Variants in HHIPL2 observed in about 807,000 individuals in gnomAD.
The protein encoded by HHIPL2 is HHIP like 2.
A neutral mutation model predicts 61.0 loss-of-function variants in HHIPL2; 61 were observed. The ratio of observed to expected loss-of-function variants is 1.00; its 90% CI spans 0.81 to 1.24. HHIPL2 has a LOEUF of 1.24. Among genes scored for constraint, HHIPL2 ranks in the 50% most tolerant of loss-of-function variants. The pLI, the probability that HHIPL2 is intolerant of heterozygous loss-of-function variation, is 0.00. For synonymous variants in HHIPL2, 343 were observed against 357.4 expected, an observed-to-expected ratio of 0.96 and a Z score of 0.45; for missense variants, 885 against 910.2, an observed-to-expected ratio of 0.97 and a Z score of 0.36.
Position 222,543,745 on chromosome 1 carries a change from G to A in HHIPL2, c.766C>T (p.Leu256=), listed in dbSNP as rs1433585594. ...PDGSRLEQPF[L]DLKNIVLTTP... ...GTCAACACGATGTTCTTGAGGTCCA[G>A]GAAGGGTTGCTCCAGGCGACTCCCA... The change falls in exon 2 of 9, where the codon CTG becomes TTG. Residue 256 remains leucine (L), a synonymous_variant. Transcript: ENST00000343410. The A allele has an allele frequency of 6.2e-7, 1 of 1,614,184 alleles. No homozygotes were observed. Among genetic ancestry groups the A allele is most frequent in the East Asian group, 2.2e-5 (1 of 44,878 alleles).
rs1659491366 is a variant in HHIPL2, at chr1:222,543,786, C to T, written c.725G>A (p.Trp242Ter). 1 of 1,613,944 alleles carries T rather than the reference C, an allele frequency of 6.2e-7. No individual in the cohort carries two copies. The highest frequency in any genetic ancestry group is 1.3e-5 in the African/African-American group (1 of 74,874). The stretch of plus-strand genomic sequence containing the variant: ...GCGACTCCCATCAGGGAGGTAGACC[C>T]ACACCACTCCTACCTGCTCGGCAAC... ...FFVAEQVGVV[W>*]VYLPDGSRLE... The change falls in exon 2 of 9, where the codon TGG becomes TAG. Residue 242 changes from tryptophan to a stop codon, truncating the protein, a stop_gained. Transcript: ENST00000343410. LOFTEE classifies it high-confidence loss of function.
At chr1:222,539,527 T>TA (rs10537670) in intron 4 of HHIPL2, among the ~76,000 whole-genome samples, 1,035 of 85,008 alleles carry the variant, frequency 0.012, 14 homozygotes, top group Middle Eastern at 0.035. Context: ...AGACTCTGTC[T>TA]AAAAAAAAAA....
Position 222,547,834 on chromosome 1 carries a change from C to T in HHIPL2, c.211G>A (p.Asp71Asn). ...CSDYESFGCC[D>N]QHKDRRIAAR... is the part of the protein sequence containing the mutation. ...GCGATGCGGCGGTCCTTGTGCTGAT[C>T]ACAGCAGCCGAAGGACTCATAGTCA... The change falls in exon 1 of 9, where the codon GAT (aspartate) becomes AAT (asparagine). Residue 71 changes from aspartate (D) to asparagine (N), a missense_variant. Asp to Asn is a conservative substitution (Grantham distance 23). Transcript: ENST00000343410. The T allele has an allele frequency of 6.2e-7, 1 of 1,614,158 alleles. No individual in the cohort carries two copies. Among genetic ancestry groups the T allele is most frequent in the Non-Finnish European group, 8.5e-7 (1 of 1,180,028 alleles).
At chr1:222,528,009 A>T (rs1367422776) in intron 6 of HHIPL2, among the ~76,000 whole-genome samples, 2 of 151,914 alleles carry the variant, frequency 1.3e-5, no homozygotes, top group African/African-American at 4.8e-5. Flanking sequence ...GGACTAATAC[A>T]CTCTTAGAAA....
chr1:222,529,152 G>A (rs1287864880), intron 6 of HHIPL2, among the ~76,000 whole-genome samples: 1 of 152,152 alleles, frequency 6.6e-6, no homozygotes, highest in African/African-American at 2.4e-5. Flanking sequence ...GGAGAACAGA[G>A]ACCAGCGTTT....
rs747513511 is a variant in HHIPL2, at chr1:222,544,083, TTAGA to T, written c.424_427del (p.Ser142ThrfsTer9). 1.9e-6 allele frequency: 3 copies of T among 1,613,876 alleles called. No individual in the cohort carries two copies. The highest frequency in any genetic ancestry group is 2.5e-6 in the Non-Finnish European group (3 of 1,180,008). On this transcript the variant is annotated frameshift_variant, in exon 2 of 9. Coordinates refer to ENST00000343410, the MANE Select transcript of HHIPL2 (RefSeq NM_024746.4). LOFTEE classifies it high-confidence loss of function. ...CAGCAGGGAAATGGCTGAGTGACAGTTAGAATGGAAGGCAGAGCAGTAATCAGAG... is the reference window on the plus strand; with the variant it reads ...CAGCAGGGAAATGGCTGAGTGACAGTATGGAAGGCAGAGCAGTAATCAGAG...
intron 5 of HHIPL2, among the ~76,000 whole-genome samples, chr1:222,538,195 G>GTGTGTGT (rs1553270679): frequency 7.3e-6 from 1 of 136,274 alleles, no homozygotes; most frequent in Non-Finnish European, 1.6e-5. Flanking sequence ...CTCTGGCTGG[G>GTGTGTGT]GTGTGTGTGT....
intron 5 of HHIPL2, among the ~76,000 whole-genome samples, chr1:222,534,083 A>C (rs4846377): frequency 0.46 from 70,190 of 152,032 alleles, 17,081 homozygotes; most frequent in East Asian, 0.66. Flanking sequence ...GTAGTGAGGA[A>C]TAGAAAGCAC....
rs149719132 is a variant in HHIPL2 at position 222,532,260 on chromosome 1, C to T, written c.1578-149G>A. ...AGCCTGCCTCCAAGCAACCAAAAAG[C>T]TTCTTCAGAGATATTTCAATCACCC... is the stretch of plus-strand genomic sequence containing the variant. On this transcript the variant is annotated intron_variant, in intron 5 of 8. Transcript: ENST00000343410. The T allele has an allele frequency of 2.4e-3, 1,491 of 625,688 alleles. 6 individuals carry two copies. Among genetic ancestry groups the T allele is most frequent in the Middle Eastern group, 2.8e-3 (7 of 2,506 alleles). The allele number at this position is 625,688 out of a possible 1,614,324, so 38.8% of individuals were successfully genotyped here.
chr1:222,533,616 C>T (rs372803337), intron 5 of HHIPL2, among the ~76,000 whole-genome samples: 7 of 152,118 alleles, frequency 4.6e-5, no homozygotes, highest in South Asian at 4.1e-4. Context: ...TTTACTTTCC[C>T]ATCTTAAACA....
chr1:222,536,915 G>T (rs539592404), intron 5 of HHIPL2, among the ~76,000 whole-genome samples: 42 of 152,004 alleles, frequency 2.8e-4, no homozygotes, highest in African/African-American at 1.0e-3. Context: ...TAATTAGCTG[G>T]GTGCCACAAG....
intron 4 of HHIPL2, 159 bp from the exon 5 acceptor site, chr1:222,538,933 G>A (rs1659365210): frequency 1.5e-6 from 1 of 661,390 alleles, no homozygotes; most frequent in Non-Finnish European, 2.5e-6. Context: ...CATGTTTATT[G>A]TTCTCAATAG....
At chr1:222,526,915 G>A in intron 7 of HHIPL2, 54 bp downstream of exon 7, 2 of 1,425,148 alleles carry the variant, frequency 1.4e-6, no homozygotes, top group Non-Finnish European at 9.8e-7. Context: ...GGCCTGCCAT[G>A]GAGATAAGAA....
chr1:222,522,570 CG>C lies in HHIPL2; in HGVS notation c.*30del. 1 of 1,600,318 alleles carries C rather than the reference CG, an allele frequency of 6.2e-7. No homozygotes were observed. Among genetic ancestry groups the C allele is most frequent in the East Asian group, 2.2e-5 (1 of 44,806 alleles). Reference sequence around the variant, plus strand: ...TTGATGAGGTGGCTCTCCTCTCTCACGTCACCCTGTCGGCCACCTTGACCAA... The same window carrying C: ...TTGATGAGGTGGCTCTCCTCTCTCACTCACCCTGTCGGCCACCTTGACCAA... On this transcript the variant is annotated 3_prime_UTR_variant, in exon 9 of 9. Coordinates refer to ENST00000343410, the MANE Select transcript of HHIPL2 (RefSeq NM_024746.4).
At position 222,543,707 on chromosome 1, in the gene HHIPL2, G is replaced by A. The variant is rs992818652; in HGVS notation, c.804C>T (p.Ile268=). Residue 268 remains isoleucine, a synonymous_variant, in exon 2 of 9, where the codon ATC becomes ATT. Transcript: ENST00000343410. ...LKNIVLTTPW[I]GDERGFLGLA... ...ACCCCAAGAAGCCTCTCTCATCCCC[G>A]ATCCATGGGGTGGTCAACACGATGT... is the stretch of plus-strand genomic sequence containing the variant. The A allele has an allele frequency of 6.8e-6, 11 of 1,614,042 alleles. No homozygotes were observed. Among genetic ancestry groups the A allele is most frequent in the South Asian group, 3.3e-5 (3 of 91,090 alleles).
At chr1:222,537,645 A>G (rs1453367635) in intron 5 of HHIPL2, among the ~76,000 whole-genome samples, 1 of 151,592 alleles carries the variant, frequency 6.6e-6, no homozygotes, top group African/African-American at 2.4e-5. Context: ...AAAAAAAAAA[A>G]AGAAAGTAAA....
chr1:222,538,192 T>TGG (rs1490103514), intron 5 of HHIPL2, among the ~76,000 whole-genome samples: 66 of 116,838 alleles, frequency 5.6e-4, no homozygotes, highest in African/African-American at 9.7e-4. Context: ...TATCTCTGGC[T>TGG]GGGGTGTGTG....
At chr1:222,524,934 C>T (rs957437602) in intron 7 of HHIPL2, 1 of 152,110 alleles carries the variant, frequency 6.6e-6, no homozygotes, top group Admixed American at 6.5e-5. Context: ...GTACCTGGGG[C>T]AAGTAATTTA....
intron 7 of HHIPL2, among the ~76,000 whole-genome samples, chr1:222,525,844 C>T (rs148758228): frequency 0.048 from 7,317 of 151,662 alleles, 626 homozygotes; most frequent in East Asian, 0.26. Flanking sequence ...ACTGAAAATA[C>T]GAAAATTAGT....
Sources: gnomAD v4.1 joint callset for allele counts (sites outside exome capture counted in the v4.1 genomes callset) on GRCh38, gnomAD v4.1.1 for gene constraint, MANE v1.5 for transcripts, NCBI Gene and HGNC (gene_info 2026-07-23, HGNC 2026-07-21) for gene names.